Variants in CDHR3 observed in about 807,000 individuals in gnomAD.
The protein encoded by CDHR3 is cadherin related family member 3.
A neutral mutation model predicts 86.6 loss-of-function variants in CDHR3; 79 were observed. The observed-to-expected ratio is 0.91, with a 90% CI of 0.76 to 1.10. The LOEUF (loss-of-function observed/expected upper bound fraction) is 1.10. CDHR3 is among the 50% of genes least tolerant of loss of function. The pLI is 0.00. For synonymous variants in CDHR3, 421 were observed against 402.4 expected (o/e 1.05, Z -0.55); for missense variants, 1,081 against 1,077.6 (o/e 1.00, Z -0.04).
rs79431430 is a variant in CDHR3, at chr7:105,994,485, G to A, written c.514-266G>A. Among the ~76,000 whole-genome samples, 245 of 152,264 alleles carry A rather than the reference G, an allele frequency of 1.6e-3. 1 individual carries two copies. The highest frequency in any genetic ancestry group is 5.5e-3 in the African/African-American group (230 of 41,536). ...CTCAGAAGCAGAGCCTGCCTTGACA[G>A]GGGCCTTTTATATGCTTTCTGTAGT... is the stretch of plus-strand genomic sequence containing the variant. On this transcript the variant is annotated intron_variant, in intron 4 of 18. Transcript: ENST00000317716.
At chr7:105,995,415 GGTGAT>G (rs1316084894) in intron 5 of CDHR3, among the ~76,000 whole-genome samples, 2 of 151,962 alleles carry the variant, frequency 1.3e-5, no homozygotes, top group East Asian at 3.9e-4. Context: ...GACCAAGGAC[GGTGAT>G]GTGGACACGG....
At chr7:106,017,114 T>C (rs1175677886) in intron 11 of CDHR3, among the ~76,000 whole-genome samples, 1 of 152,230 alleles carries the variant, frequency 6.6e-6, no homozygotes, top group Middle Eastern at 3.2e-3. Flanking sequence ...TTATTTATTT[T>C]TAAAAGAGCA....
chr7:105,980,900 G>GC (rs774656965), intron 2 of CDHR3, 68 bp from the exon 3 acceptor site: 175 of 1,419,198 alleles, frequency 1.2e-4, no homozygotes, highest in Non-Finnish European at 1.6e-4. Context: ...ATATCCCTTT[G>GC]CAAAGTGCAT....
At chr7:105,981,227 C>G in intron 3 of CDHR3, 94 bp downstream of exon 3, 2 of 1,293,830 alleles carry the variant, frequency 1.5e-6, no homozygotes, top group East Asian at 5.0e-5. Context: ...AATAAACAAG[C>G]AGCTGTTTCC....
In CDHR3 at chr7:106,015,995, T is replaced by G; in HGVS notation, c.1396T>G (p.Tyr466Asp). The G allele has an allele frequency of 6.2e-7, 1 of 1,612,464 alleles. No individual in the cohort carries two copies. Among genetic ancestry groups the G allele is most frequent in the Non-Finnish European group, 8.5e-7 (1 of 1,179,092 alleles). The stretch of plus-strand genomic sequence containing the variant: ...TCCTCTCATTTTTGATAGGCCATCC[T>G]ATGTATTTGATGTGTCAGAAAGAAG... ...EFPLIFDRPS[Y>D]VFDVSERRPA... Residue 466 changes from tyrosine to aspartate, a missense_variant, in exon 11 of 19, where the codon TAT (tyrosine) becomes GAT (aspartate). Coordinates refer to ENST00000317716, the MANE Select transcript of CDHR3 (RefSeq NM_152750.5).
chr7:105,979,141 C>T (rs1229879263), intron 2 of CDHR3, among the ~76,000 whole-genome samples: 1 of 152,106 alleles, frequency 6.6e-6, no homozygotes, highest in Non-Finnish European at 1.5e-5. Context: ...CTCATGATAA[C>T]CCAAAAAGTA....
chr7:105,997,455 G>A (rs1054234764), intron 6 of CDHR3, among the ~76,000 whole-genome samples: 4 of 152,200 alleles, frequency 2.6e-5, no homozygotes, highest in African/African-American at 7.2e-5. Flanking sequence ...ACCTGATGCT[G>A]GGTTAGGTTC....
At chr7:106,029,673 G>C (rs1230737562) in intron 17 of CDHR3, among the ~76,000 whole-genome samples, 1 of 152,006 alleles carries the variant, frequency 6.6e-6, no homozygotes, top group Non-Finnish European at 1.5e-5. Context: ...ATAAGGCTTT[G>C]TCATGGTCCA....
chr7:105,975,964 G>C (rs1333745062), intron 2 of CDHR3, among the ~76,000 whole-genome samples: 1 of 152,214 alleles, frequency 6.6e-6, no homozygotes, highest in Non-Finnish European at 1.5e-5. Context: ...CCCTGTAGCA[G>C]ACCTGCGGAA....
At chr7:105,993,507 A>G (rs76222690) in intron 4 of CDHR3, among the ~76,000 whole-genome samples, 2 of 111,970 alleles carry the variant, frequency 1.8e-5, no homozygotes, top group East Asian at 3.9e-4. Context: ...CTGTCTCTAC[A>G]AAAAAAAATA....
chr7:105,969,043 G>A (rs1311898696), intron 1 of CDHR3, among the ~76,000 whole-genome samples: 3 of 150,930 alleles, frequency 2.0e-5, no homozygotes, highest in African/African-American at 4.9e-5. Context: ...AGCAGAGATC[G>A]CGCCACTGCA....
intron 4 of CDHR3, among the ~76,000 whole-genome samples, chr7:105,991,864 C>T (rs1474335767): frequency 6.6e-6 from 1 of 152,206 alleles, no homozygotes; most frequent in Non-Finnish European, 1.5e-5. Flanking sequence ...TGCCATGTAC[C>T]AGGCATTGTT....
At position 106,026,704 on chromosome 7, in the gene CDHR3, A is replaced by G. The variant is rs1419068881; in HGVS notation, c.2272+9A>G. 12 of 1,613,736 alleles carry G rather than the reference A, an allele frequency of 7.4e-6. No individual in the cohort carries two copies. Among genetic ancestry groups the G allele is most frequent in the Admixed American group, 5.0e-5 (3 of 60,028 alleles). On this transcript the variant is annotated intron_variant, in intron 16 of 18. Coordinates refer to ENST00000317716, the MANE Select transcript of CDHR3 (RefSeq NM_152750.5). Reference sequence around the variant, plus strand: ...TAGGACAAAGAAAGGAGGTATGTACAGTACCTGTTTCCCTTGTCTGTTGTT... The same window carrying G: ...TAGGACAAAGAAAGGAGGTATGTACGGTACCTGTTTCCCTTGTCTGTTGTT...
intron 1 of CDHR3, among the ~76,000 whole-genome samples, chr7:105,971,492 A>T (rs529733216): frequency 6.6e-6 from 1 of 152,236 alleles, no homozygotes; most frequent in East Asian, 1.9e-4. Context: ...GATAAAAAAC[A>T]CTCTGATTTA....
At position 105,967,584 on chromosome 7, in the gene CDHR3, G is replaced by A. The variant is rs566997560; in HGVS notation, c.46+4220G>A. On this transcript the variant is annotated intron_variant, in intron 1 of 18. Coordinates refer to ENST00000317716, the MANE Select transcript of CDHR3 (RefSeq NM_152750.5). ...ACAGTCCCACCAACAGCGTAAAAGC[G>A]TTCCTATTTCTCTGCATCCTCTCCA... Among the ~76,000 whole-genome samples the A allele has an allele frequency of 5.8e-3, 885 of 152,238 alleles. 14 individuals are homozygous for A. The highest frequency in any genetic ancestry group is 0.02 in the African/African-American group (838 of 41,514).
At chr7:105,963,436 C>T (rs1046710808) in intron 1 of CDHR3, 72 bp downstream of exon 1, 3 of 1,506,638 alleles carry the variant, frequency 2.0e-6, no homozygotes, top group African/African-American at 2.7e-5. Context: ...ATGACAATGT[C>T]CCCCAGAAAG....
At chr7:105,974,143 A>C (rs1373353863) in intron 1 of CDHR3, among the ~76,000 whole-genome samples, 1 of 152,190 alleles carries the variant, frequency 6.6e-6, no homozygotes. Context: ...CTTTCCTGGA[A>C]GAAATGTGCT....
chr7:105,963,654 G>C (rs1203490883), intron 1 of CDHR3, among the ~76,000 whole-genome samples: 2 of 152,202 alleles, frequency 1.3e-5, no homozygotes, highest in Non-Finnish European at 2.9e-5. Flanking sequence ...GAGATTTAAG[G>C]TTGGGAAAAT....
In CDHR3 at chr7:106,033,564, C is replaced by T. The variant is rs1021976433; in HGVS notation, c.*867C>T. The T allele has an allele frequency of 6.6e-6, 1 of 152,120 alleles. No homozygotes were observed. The highest frequency in any genetic ancestry group is 6.5e-5 in the Admixed American group (1 of 15,276). The allele number at this position is 152,120 out of a possible 1,614,324, so 9.4% of individuals were successfully genotyped here. ...GATCAGCCTGGCCTAGATGGCAAAA[C>T]CCTGTCTCTACTAAAAAATACAAAA... On this transcript the variant is annotated 3_prime_UTR_variant, in exon 19 of 19. Coordinates refer to ENST00000317716, the MANE Select transcript of CDHR3 (RefSeq NM_152750.5).
Sources: gnomAD v4.1 joint callset for allele counts (sites outside exome capture counted in the v4.1 genomes callset) on GRCh38, gnomAD v4.1.1 for gene constraint, MANE v1.5 for transcripts, NCBI Gene and HGNC (gene_info 2026-07-23, HGNC 2026-07-21) for gene names.